The following INPP4B variants were observed in gnomAD, a reference collection of about 807,000 sequenced individuals.
INPP4B encodes inositol polyphosphate 4-phosphatase type II.
Under a neutral mutation model 122.5 loss-of-function variants are expected in INPP4B, and 55 were observed. The observed-to-expected ratio is 0.45, with a 90% CI of 0.36 to 0.56. The LOEUF is 0.56. INPP4B is among the 20% of genes least tolerant of loss of function. The probability of loss-of-function intolerance (pLI) is 0.00; values close to 1 mark genes in which losing one functional copy is unlikely to be tolerated. For missense variants in INPP4B, 1,000 were observed against 1,097.7 expected, an observed-to-expected ratio of 0.91 and a Z score of 1.26; for synonymous variants, 403 against 388.7, an observed-to-expected ratio of 1.04 and a Z score of -0.43.
intron 16 of INPP4B, among the ~76,000 whole-genome samples, chr4:142,166,373 T>G (rs1822721248): frequency 6.6e-6 from 1 of 151,740 alleles, no homozygotes; most frequent in Non-Finnish European, 1.5e-5. Flanking sequence ...TCCTTACACC[T>G]TTTACAAAAA....
At chr4:142,461,313 G>C (rs1174576549) in intron 3 of INPP4B, among the ~76,000 whole-genome samples, 2 of 152,136 alleles carry the variant, frequency 1.3e-5, no homozygotes, top group Admixed American at 6.5e-5. Flanking sequence ...ATAAATCAAA[G>C]AGAATAAGCA....
chr4:142,159,074 A>G, intron 17 of INPP4B, among the ~76,000 whole-genome samples: 1 of 152,018 alleles, frequency 6.6e-6, no homozygotes, highest in Non-Finnish European at 1.5e-5. Flanking sequence ...TAAGAAACAT[A>G]TAACAATAAT....
chr4:142,029,868 C>G, intron 25 of INPP4B: 3 of 1,103,990 alleles, frequency 2.7e-6, no homozygotes, highest in Non-Finnish European at 3.3e-6. Context: ...TGTTCTTTGT[C>G]TTATTCCAAA....
At chr4:142,478,003 A>G (rs180679192) in intron 2 of INPP4B, among the ~76,000 whole-genome samples, 18 of 152,236 alleles carry the variant, frequency 1.2e-4, no homozygotes, top group Non-Finnish European at 1.6e-4. Context: ...GGGTTTTGCC[A>G]TGTCGCCCCG....
chr4:142,246,053 ATATATATGTGTGTGTGTATACACACAT>A (rs1728472095), intron 11 of INPP4B, among the ~76,000 whole-genome samples: 2 of 49,802 alleles, frequency 4.0e-5, no homozygotes, highest in Admixed American at 2.2e-4. Context: ...TACACACATT[ATATATATGTGTGTGTGTATACACACAT>A]TATATATATG....
At chr4:142,437,205 C>T (rs1460456425) in intron 3 of INPP4B, among the ~76,000 whole-genome samples, 1 of 151,482 alleles carries the variant, frequency 6.6e-6, no homozygotes, top group Non-Finnish European at 1.5e-5. Flanking sequence ...GCAGACAAGA[C>T]TAGAGAAAAA....
chr4:142,110,564 G>T (rs774758553), intron 22 of INPP4B, among the ~76,000 whole-genome samples: 1 of 152,114 alleles, frequency 6.6e-6, no homozygotes, highest in Non-Finnish European at 1.5e-5. Context: ...GAAAAAGGAG[G>T]TTCAGAGAAC....
chr4:142,643,903 G>T (rs183911375), intron 2 of INPP4B, among the ~76,000 whole-genome samples: 1 of 152,062 alleles, frequency 6.6e-6, no homozygotes, highest in Non-Finnish European at 1.5e-5. Flanking sequence ...TCAACTCCCC[G>T]CATAAGAATA....
chr4:142,472,138 C>A (rs1039688288), intron 2 of INPP4B, among the ~76,000 whole-genome samples: 3 of 151,898 alleles, frequency 2.0e-5, no homozygotes, highest in Non-Finnish European at 4.4e-5. Flanking sequence ...CTTTGTTGAA[C>A]ATTTCTAGGA....
chr4:142,187,421 G>C (rs1833637271), intron 15 of INPP4B, among the ~76,000 whole-genome samples: 1 of 152,056 alleles, frequency 6.6e-6, no homozygotes, highest in African/African-American at 2.4e-5. Flanking sequence ...TAAATTTGGA[G>C]TATTGGGAAT....
intron 12 of INPP4B, among the ~76,000 whole-genome samples, chr4:142,232,894 C>T (rs1014975012): frequency 6.6e-5 from 10 of 152,086 alleles, no homozygotes; most frequent in Non-Finnish European, 1.5e-4. Flanking sequence ...CACAACATTC[C>T]CTTAAGCCAA....
intron 25 of INPP4B, among the ~76,000 whole-genome samples, chr4:142,067,009 C>T (rs753504295): frequency 2.4e-4 from 37 of 152,284 alleles, no homozygotes; most frequent in Non-Finnish European, 3.1e-4. Context: ...GATCTGAGAA[C>T]GGACAGACTG....
At chr4:142,172,397 A>C (rs958470531) in intron 16 of INPP4B, among the ~76,000 whole-genome samples, 4 of 151,948 alleles carry the variant, frequency 2.6e-5, no homozygotes, top group Non-Finnish European at 4.4e-5. Flanking sequence ...ATAAAATGAC[A>C]TAAAGTGTGA....
rs572506784 is a variant in INPP4B, at chr4:142,805,808, A to G, written c.-254+40401T>C. On this transcript the variant is annotated intron_variant, in intron 1 of 25. Coordinates refer to ENST00000262992, the MANE Select transcript of INPP4B (RefSeq NM_001101669.3). ...CTGTTTACCAGGAAGACTTCTGTTCAATAGTAGGCTATTAGTTGTTGTTTT... is the reference window on the plus strand; with the variant it reads ...CTGTTTACCAGGAAGACTTCTGTTCGATAGTAGGCTATTAGTTGTTGTTTT... Among the ~76,000 whole-genome samples, 4 of 152,342 alleles carry G rather than the reference A, an allele frequency of 2.6e-5. No homozygotes were observed. The South Asian group carries it at 8.3e-4, about 32-fold the overall frequency.
intron 9 of INPP4B, among the ~76,000 whole-genome samples, chr4:142,279,654 C>G (rs1432280406): frequency 6.6e-6 from 1 of 151,598 alleles, no homozygotes; most frequent in Non-Finnish European, 1.5e-5. Context: ...TAAAAGTGAC[C>G]CAGGAAAAAA....
At chr4:142,274,187 A>G (rs150211517) in intron 9 of INPP4B, among the ~76,000 whole-genome samples, 118 of 151,964 alleles carry the variant, frequency 7.8e-4, no homozygotes, top group African/African-American at 2.7e-3. Context: ...ATTTTACCTT[A>G]TGGAAATTCA....
intron 2 of INPP4B, among the ~76,000 whole-genome samples, chr4:142,489,657 G>GT (rs1821617569): frequency 6.6e-6 from 1 of 152,150 alleles, no homozygotes; most frequent in Non-Finnish European, 1.5e-5. Context: ...GCCTCCCAAA[G>GT]GGCTGGGATT....
In INPP4B at chr4:142,023,636, G is replaced by T. The variant is rs1736147191; in HGVS notation, c.*5146C>A. The T allele has an allele frequency of 1.3e-5, 2 of 152,120 alleles. No homozygotes were observed. Among genetic ancestry groups the T allele is most frequent in the African/African-American group, 2.4e-5 (1 of 41,418 alleles). The allele number at this position is 152,120 out of a possible 1,614,324, so 9.4% of individuals were successfully genotyped here. A position where few individuals can be genotyped will look rare whatever the true frequency, so the allele number is the denominator to read the frequency against. ...GTCAATGTTACCTGTGAGTGCAATA[G>T]GTCATCATTGATCGCGTCCTTTCAT... On this transcript the variant is annotated 3_prime_UTR_variant, in exon 26 of 26. Coordinates refer to ENST00000262992, the MANE Select transcript of INPP4B (RefSeq NM_001101669.3).
intron 18 of INPP4B, among the ~76,000 whole-genome samples, chr4:142,130,838 G>A (rs73853020): frequency 1.5e-3 from 224 of 152,296 alleles, no homozygotes; most frequent in African/African-American, 5.3e-3. Flanking sequence ...CTTCCCTCAT[G>A]TCCAGGGAAC....
Sources: allele counts gnomAD v4.1 joint callset (sites outside exome capture counted in the v4.1 genomes callset), GRCh38; gene constraint gnomAD v4.1.1; transcripts MANE v1.5; gene names NCBI Gene and HGNC (gene_info 2026-07-23, HGNC 2026-07-21).